SAMD12: variants seen among roughly 807,000 people sequenced by gnomAD.
SAMD12 encodes sterile alpha motif domain containing 12.
In SAMD12, 9 loss-of-function variants were observed where a neutral mutation model predicts 15.0. The observed-to-expected ratio is 0.60, with a 90% CI of 0.36 to 1.05. SAMD12 has a LOEUF of 1.05. Ranked by LOEUF, SAMD12 falls within the 50% of genes least tolerant of loss-of-function variation. The pLI is 0.01. For synonymous variants in SAMD12, 86 were observed against 90.1 expected (o/e 0.96, Z 0.25); for missense variants, 230 against 234.2 (o/e 0.98, Z 0.12).
the SAMD12 span, among the ~76,000 whole-genome samples, chr8:118,155,364 G>A: frequency 1.3e-5 from 2 of 152,076 alleles, no homozygotes; most frequent in African/African-American, 2.4e-5. Context: ...AGTGTTTTTG[G>A]GGGGGTGGGC....
chr8:118,219,632 T>A (rs558346416), intron 4 of SAMD12, among the ~76,000 whole-genome samples: 3 of 152,310 alleles, frequency 2.0e-5, no homozygotes, highest in African/African-American at 7.2e-5. Context: ...CAGAGAATTG[T>A]CAGCTTGCAT....
At chr8:118,583,675 C>T (rs1027071569) in intron 1 of SAMD12, among the ~76,000 whole-genome samples, 2 of 152,144 alleles carry the variant, frequency 1.3e-5, no homozygotes, top group Non-Finnish European at 2.9e-5. Flanking sequence ...CCAACCTAAT[C>T]CTATCTCCTG....
intron 4 of SAMD12, among the ~76,000 whole-genome samples, chr8:118,219,831 C>T (rs1027640988): frequency 6.6e-6 from 1 of 152,212 alleles, no homozygotes; most frequent in Non-Finnish European, 1.5e-5. Flanking sequence ...GAGCCACAGG[C>T]AATGCCATGT....
At chr8:118,592,082 G>A (rs1422273372) in intron 1 of SAMD12, among the ~76,000 whole-genome samples, 1 of 152,170 alleles carries the variant, frequency 6.6e-6, no homozygotes, top group East Asian at 1.9e-4. Flanking sequence ...AGCACTTTGG[G>A]AGGCCAAGGT....
intron 2 of SAMD12, among the ~76,000 whole-genome samples, chr8:118,486,273 G>C (rs1448457402): frequency 6.6e-6 from 1 of 151,976 alleles, no homozygotes; most frequent in South Asian, 2.1e-4. Context: ...AAAATTAGTC[G>C]GGTGTAGTGG....
intron 4 of SAMD12, among the ~76,000 whole-genome samples, chr8:118,263,628 TC>T (rs1330500367): frequency 2.0e-5 from 3 of 152,120 alleles, no homozygotes; most frequent in Non-Finnish European, 4.4e-5. Flanking sequence ...GCTGCTAGCT[TC>T]TAGAATGTTA....
At chr8:118,326,574 A>G (rs1239919377) in intron 4 of SAMD12, among the ~76,000 whole-genome samples, 1 of 152,198 alleles carries the variant, frequency 6.6e-6, no homozygotes, top group East Asian at 1.9e-4. Flanking sequence ...ATCAATCTGT[A>G]TATGAATTGA....
intron 2 of SAMD12, among the ~76,000 whole-genome samples, chr8:118,442,433 T>C (rs893065298): frequency 6.6e-6 from 1 of 152,240 alleles, no homozygotes; most frequent in African/African-American, 2.4e-5. Flanking sequence ...ACTGGGGTAA[T>C]GGGCTGCAGC....
chr8:118,595,563 A>T (rs1262641720), intron 1 of SAMD12, among the ~76,000 whole-genome samples: 1 of 152,224 alleles, frequency 6.6e-6, no homozygotes, highest in Non-Finnish European at 1.5e-5. Flanking sequence ...GACCAGAGAA[A>T]GTCTATCAAT....
At chr8:118,263,153 C>T (rs900975757) in intron 4 of SAMD12, among the ~76,000 whole-genome samples, 5 of 152,124 alleles carry the variant, frequency 3.3e-5, no homozygotes, top group Middle Eastern at 6.8e-3. Flanking sequence ...GGGTGAAATG[C>T]CCTTTCTTAG....
chr8:118,511,789 T>C (rs1013196591), intron 2 of SAMD12, among the ~76,000 whole-genome samples: 1 of 152,220 alleles, frequency 6.6e-6, no homozygotes, highest in Non-Finnish European at 1.5e-5. Context: ...TGTAGTTAAA[T>C]CATTTCCCAT....
intron 2 of SAMD12, among the ~76,000 whole-genome samples, chr8:118,495,124 A>G (rs1465849833): frequency 2.0e-5 from 3 of 152,294 alleles, no homozygotes; most frequent in East Asian, 3.9e-4. Context: ...TGCCATCACT[A>G]TTTTCACTAG....
chr8:118,313,141 A>G (rs1199895425), intron 4 of SAMD12, among the ~76,000 whole-genome samples: 1 of 152,138 alleles, frequency 6.6e-6, no homozygotes, highest in African/African-American at 2.4e-5. Flanking sequence ...TCTCTGTCAC[A>G]TATCTGCTGT....
At chr8:118,238,726 A>G (rs2514972) in intron 4 of SAMD12, among the ~76,000 whole-genome samples, 24,997 of 152,206 alleles carry the variant, frequency 0.16, 3,120 homozygotes, top group East Asian at 0.63. Context: ...TAGCCTTATC[A>G]GTATTTTGGT....
intron 4 of SAMD12, among the ~76,000 whole-genome samples, chr8:118,270,527 A>G (rs957814647): frequency 1.3e-5 from 2 of 152,168 alleles, no homozygotes; most frequent in Non-Finnish European, 2.9e-5. Context: ...CCCACAGGGT[A>G]TGATGGTCTT....
At chr8:118,348,331 A>C (rs1021752739) in intron 4 of SAMD12, among the ~76,000 whole-genome samples, 5 of 151,196 alleles carry the variant, frequency 3.3e-5, no homozygotes, top group African/African-American at 1.2e-4. Flanking sequence ...GGCCTCCCAA[A>C]GTGTTGGGGT....
At chr8:118,475,155 C>A (rs1245767608) in intron 2 of SAMD12, among the ~76,000 whole-genome samples, 1 of 152,180 alleles carries the variant, frequency 6.6e-6, no homozygotes, top group Admixed American at 6.5e-5. Context: ...AGGAGAATCA[C>A]GTGACCCTGG....
intron 4 of SAMD12, among the ~76,000 whole-genome samples, chr8:118,308,928 A>G (rs1373025610): frequency 2.0e-5 from 3 of 152,300 alleles, no homozygotes; most frequent in East Asian, 3.9e-4. Context: ...ACTTCTAGGA[A>G]AAGCCCAAAT....
At chr8:118,175,109 G>A in the SAMD12 span, among the ~76,000 whole-genome samples, 1 of 150,868 alleles carries the variant, frequency 6.6e-6, no homozygotes, top group South Asian at 2.1e-4. Context: ...ATACTACAAG[G>A]CTAACCAGCT....
Sources: gnomAD v4.1 joint callset for allele counts (sites outside exome capture counted in the v4.1 genomes callset) on GRCh38, gnomAD v4.1.1 for gene constraint, MANE v1.5 for transcripts, NCBI Gene and HGNC (gene_info 2026-07-23, HGNC 2026-07-21) for gene names.